Variants in FNDC3B observed in about 807,000 individuals in gnomAD.
The protein encoded by FNDC3B is fibronectin type III domain containing 3B, also known as fibronectin type III domain-containing protein 3B.
A neutral mutation model predicts 151.5 loss-of-function variants in FNDC3B; 12 were observed. The ratio of observed to expected loss-of-function variants is 0.08; its 90% CI spans 0.05 to 0.13. The LOEUF (loss-of-function observed/expected upper bound fraction) is 0.13. FNDC3B is among the 10% of genes least tolerant of loss of function. The probability of loss-of-function intolerance (pLI) is 1.00; values close to 1 mark genes in which losing one functional copy is unlikely to be tolerated. For missense variants in FNDC3B, 1,214 were observed against 1,505.3 expected, an observed-to-expected ratio of 0.81 and a Z score of 3.20; for synonymous variants, 528 against 549.0, an observed-to-expected ratio of 0.96 and a Z score of 0.54.
intron 1 of FNDC3B, among the ~76,000 whole-genome samples, chr3:172,081,229 A>G (rs1326895696): frequency 2.0e-5 from 3 of 152,044 alleles, no homozygotes; most frequent in African/African-American, 7.3e-5. Context: ...AACTACAGAA[A>G]TTTGCTTCTG....
chr3:172,295,761 G>A (rs975881788), intron 8 of FNDC3B, among the ~76,000 whole-genome samples: 4 of 152,236 alleles, frequency 2.6e-5, no homozygotes, highest in Non-Finnish European at 4.4e-5. Flanking sequence ...TGTCAGTAGA[G>A]TATTAATGAA....
chr3:172,224,704 T>A (rs975956784), intron 3 of FNDC3B, among the ~76,000 whole-genome samples: 2 of 150,946 alleles, frequency 1.3e-5, no homozygotes, highest in Non-Finnish European at 2.9e-5. Context: ...AGGATCTGCC[T>A]TTTACCAAAT....
chr3:172,236,767 C>T (rs997398119), intron 4 of FNDC3B, among the ~76,000 whole-genome samples: 9 of 152,166 alleles, frequency 5.9e-5, no homozygotes. Flanking sequence ...GTCTCCAGTT[C>T]ATAAGATGTG....
At chr3:172,348,251 T>G (rs1733700070) in intron 21 of FNDC3B, among the ~76,000 whole-genome samples, 1 of 152,254 alleles carries the variant, frequency 6.6e-6, no homozygotes, top group Non-Finnish European at 1.5e-5. Context: ...TCAAATTCGT[T>G]ATTATAAGTA....
intron 3 of FNDC3B, among the ~76,000 whole-genome samples, chr3:172,148,364 A>T (rs114845792): frequency 0.011 from 1,636 of 150,274 alleles, 31 homozygotes; most frequent in African/African-American, 0.04. Flanking sequence ...GAAGCAGCCA[A>T]TGTGGAGGGT....
chr3:172,330,767 T>C (rs368139703), intron 13 of FNDC3B, 52 bp downstream of exon 13: 893 of 1,419,416 alleles, frequency 6.3e-4, no homozygotes, highest in Non-Finnish European at 7.6e-4. Context: ...GTCAGTATTA[T>C]TATAGCTACA....
chr3:172,323,519 TCA>T (rs985540534), intron 11 of FNDC3B, among the ~76,000 whole-genome samples: 3 of 151,974 alleles, frequency 2.0e-5, no homozygotes, highest in African/African-American at 7.2e-5. Flanking sequence ...ACCTTGTCTC[TCA>T]CACACACACA....
intron 1 of FNDC3B, among the ~76,000 whole-genome samples, chr3:172,065,485 C>T (rs1424425711): frequency 1.3e-5 from 2 of 152,210 alleles, no homozygotes; most frequent in Non-Finnish European, 2.9e-5. Context: ...AATAGGATCA[C>T]ACCCGAAGAA....
chr3:172,295,047 A>G (rs57373995), intron 7 of FNDC3B, among the ~76,000 whole-genome samples: 36,441 of 152,160 alleles, frequency 0.24, 4,641 homozygotes, highest in South Asian at 0.4. Context: ...CTTCTTCCAC[A>G]TAATGTAGAA....
chr3:172,190,741 T>C (rs926525115), intron 3 of FNDC3B, among the ~76,000 whole-genome samples: 6 of 152,362 alleles, frequency 3.9e-5, no homozygotes, highest in Admixed American at 3.3e-4. Flanking sequence ...CGATCTTGGC[T>C]CACCGCAACC....
intron 1 of FNDC3B, among the ~76,000 whole-genome samples, chr3:172,085,497 G>A (rs1055336659): frequency 6.6e-6 from 1 of 152,154 alleles, no homozygotes; most frequent in African/African-American, 2.4e-5. Flanking sequence ...TGAGTTGTCA[G>A]TTGCTTTTTC....
At chr3:172,386,759 G>GAAAAAAAAAA (rs1233563821) in intron 25 of FNDC3B, among the ~76,000 whole-genome samples, 47 of 106,388 alleles carry the variant, frequency 4.4e-4, no homozygotes, top group African/African-American at 5.8e-4. Context: ...AAAAAAAAAA[G>GAAAAAAAAAA]AAAAAAAAAA....
In FNDC3B at chr3:172,397,017, G is replaced by A; in HGVS notation, c.3304-147G>A. ...CCTTTTTATGGTTGGAATACAGATT[G>A]AGAGAAGTACATTTTTATATCATCT... On this transcript the variant is annotated intron_variant, in intron 25 of 25. Transcript: ENST00000415807. 3 of 624,434 alleles carry A rather than the reference G, an allele frequency of 4.8e-6. No individual in the cohort carries two copies. The South Asian group carries it at 6.9e-5, about 14-fold the overall frequency. 38.7% of individuals were successfully genotyped at this position (624,434 alleles called of 1,614,324 possible).
intron 5 of FNDC3B, 77 bp downstream of exon 5, chr3:172,247,853 T>G (rs1727861389): frequency 1.3e-6 from 2 of 1,506,468 alleles, no homozygotes; most frequent in Non-Finnish European, 1.8e-6. Flanking sequence ...GGTCCTTTGT[T>G]TCTTGTGAAA....
intron 1 of FNDC3B, among the ~76,000 whole-genome samples, chr3:172,075,700 CAT>C (rs1245628484): frequency 1.3e-5 from 2 of 150,516 alleles, no homozygotes; most frequent in African/African-American, 4.9e-5. Flanking sequence ...CATTGAGAAA[CAT>C]ATTTTACATT....
At chr3:172,173,306 TG>T (rs1325754229) in intron 3 of FNDC3B, among the ~76,000 whole-genome samples, 2 of 152,082 alleles carry the variant, frequency 1.3e-5, no homozygotes, top group Admixed American at 6.5e-5. Flanking sequence ...TCTTTTATCG[TG>T]GGGGTCCTAA....
chr3:172,337,078 AT>A (rs1189288957), intron 15 of FNDC3B, among the ~76,000 whole-genome samples: 2 of 152,188 alleles, frequency 1.3e-5, no homozygotes, highest in African/African-American at 4.8e-5. Context: ...TTTTGTTCAT[AT>A]TTCACTACAT....
intron 6 of FNDC3B, among the ~76,000 whole-genome samples, chr3:172,256,572 A>T (rs59943699): frequency 6.6e-6 from 1 of 152,200 alleles, no homozygotes; most frequent in Non-Finnish European, 1.5e-5. Flanking sequence ...GTTGCTCTTC[A>T]TTGAGTGAGA....
chr3:172,369,460 G>A (rs559271353), intron 23 of FNDC3B, among the ~76,000 whole-genome samples: 6 of 145,648 alleles, frequency 4.1e-5, no homozygotes, highest in South Asian at 2.2e-4. Flanking sequence ...AAAGTATACC[G>A]AAAAAAAAGT....
Sources: allele counts gnomAD v4.1 joint callset (sites outside exome capture counted in the v4.1 genomes callset), GRCh38; gene constraint gnomAD v4.1.1; transcripts MANE v1.5; gene names NCBI Gene and HGNC (gene_info 2026-07-23, HGNC 2026-07-21).